COP1: variants seen among roughly 807,000 people sequenced by gnomAD.
COP1 encodes the protein E3 ubiquitin-protein ligase COP1.
In COP1, 24 loss-of-function variants were observed where a neutral mutation model predicts 101.3. That is an observed-to-expected ratio of 0.24 (90% confidence interval 0.17 to 0.33). The LOEUF (loss-of-function observed/expected upper bound fraction) is 0.33. Ranked by LOEUF, COP1 falls within the 10% of genes least tolerant of loss-of-function variation. COP1 has a pLI of 1.00. For synonymous variants in COP1, 347 were observed against 341.9 expected, an observed-to-expected ratio of 1.01 and a Z score of -0.17; for missense variants, 663 against 906.2, an observed-to-expected ratio of 0.73 and a Z score of 3.45.
intron 11 of COP1, among the ~76,000 whole-genome samples, chr1:176,058,476 T>A (rs550750580): frequency 4.1e-4 from 63 of 152,232 alleles, no homozygotes; most frequent in African/African-American, 1.3e-3. Context: ...CTGTGCTCTC[T>A]GAAACATGTG....
intron 15 of COP1, chr1:176,017,449 A>G (rs1276248239): frequency 1.3e-5 from 2 of 152,198 alleles, no homozygotes. Context: ...TTAGGCGGGA[A>G]ATAAATTTTG....
chr1:176,007,894 T>C (rs1663736987), intron 15 of COP1, among the ~76,000 whole-genome samples: 1 of 152,240 alleles, frequency 6.6e-6, no homozygotes, highest in Non-Finnish European at 1.5e-5. Context: ...TCCTGGCTGC[T>C]TTGTTTACCT....
intron 2 of COP1, among the ~76,000 whole-genome samples, chr1:176,182,215 T>A (rs903490529): frequency 1.3e-5 from 2 of 152,180 alleles, no homozygotes; most frequent in African/African-American, 4.8e-5. Context: ...ATTTCAACAC[T>A]TTTAAATCCA....
rs1230508837 is a variant in COP1 at position 175,985,614 on chromosome 1, C to G, written c.2133+1329G>C. Reference sequence around the variant, plus strand: ...GCTAGTATAAGCACTTTCACCCACCCCACCAGAACTGACAAATGCTCACAG... The same window carrying G: ...GCTAGTATAAGCACTTTCACCCACCGCACCAGAACTGACAAATGCTCACAG... On this transcript the variant is annotated intron_variant, in intron 18 of 19. Transcript: ENST00000367669. Among the ~76,000 whole-genome samples, 4 of 152,312 alleles carry G rather than the reference C, an allele frequency of 2.6e-5. No individual in the cohort carries two copies. The East Asian group carries it at 7.7e-4, about 29-fold the overall frequency.
At chr1:176,083,819 G>C (rs952450253) in intron 10 of COP1, among the ~76,000 whole-genome samples, 2 of 152,138 alleles carry the variant, frequency 1.3e-5, no homozygotes, top group Non-Finnish European at 2.9e-5. Flanking sequence ...AGAGGTACTA[G>C]GAGGAACTTA....
At chr1:176,083,379 T>C (rs1572127608) in intron 10 of COP1, among the ~76,000 whole-genome samples, 1 of 152,298 alleles carries the variant, frequency 6.6e-6, no homozygotes, top group East Asian at 1.9e-4. Flanking sequence ...TATAAGCTCA[T>C]TAATAGCTAC....
intron 18 of COP1, among the ~76,000 whole-genome samples, chr1:175,972,509 G>T (rs1398461594): frequency 6.9e-6 from 1 of 145,238 alleles, no homozygotes; most frequent in Admixed American, 7.1e-5. Flanking sequence ...TGTGTTGCCA[G>T]AATGGAGTGC....
chr1:175,983,777 G>GAGGA (rs2148701616), intron 18 of COP1, among the ~76,000 whole-genome samples: 1 of 152,334 alleles, frequency 6.6e-6, no homozygotes, highest in South Asian at 2.1e-4. Flanking sequence ...AGATGGAGAT[G>GAGGA]AGGAACTTGC....
intron 18 of COP1, among the ~76,000 whole-genome samples, chr1:175,951,368 G>A (rs1482263430): frequency 1.4e-5 from 2 of 146,970 alleles, no homozygotes; most frequent in Admixed American, 1.4e-4. Flanking sequence ...AGATGTAACT[G>A]ATTTTAAATG....
At chr1:176,161,959 G>C (rs1367943117) in intron 5 of COP1, among the ~76,000 whole-genome samples, 1 of 152,172 alleles carries the variant, frequency 6.6e-6, no homozygotes, top group Admixed American at 6.5e-5. Flanking sequence ...GGAAACAAAA[G>C]CTCCTTTTTT....
intron 11 of COP1, among the ~76,000 whole-genome samples, chr1:176,052,805 G>A (rs1034365561): frequency 1.3e-5 from 2 of 152,022 alleles, no homozygotes; most frequent in African/African-American, 4.8e-5. Flanking sequence ...TTAAACATAT[G>A]AGATGACATC....
intron 14 of COP1, among the ~76,000 whole-genome samples, chr1:176,037,804 C>T (rs924628783): frequency 6.6e-6 from 1 of 152,124 alleles, no homozygotes; most frequent in African/African-American, 2.4e-5. Flanking sequence ...GACACAGGTG[C>T]CTACTAAAAG....
chr1:176,081,293 T>TTA lies in COP1; in HGVS notation c.1142-7_1142-6insTA. On this transcript the variant is annotated splice_region_variant and splice_polypyrimidine_tract_variant and intron_variant, in intron 10 of 19. Coordinates refer to ENST00000367669, the MANE Select transcript of COP1 (RefSeq NM_022457.7). ...GCTTGCAGTTCGACTGTCATCTATA[T>TTA]GAAAAAAAAAAAAAAAAGACAAAAC... is the stretch of plus-strand genomic sequence containing the variant. 6.7e-7 allele frequency: 1 copy of TTA among 1,487,272 alleles called. No homozygotes were observed. The highest frequency in any genetic ancestry group is 2.4e-5 in the East Asian group (1 of 42,160). The allele number at this position is 1,487,272 out of a possible 1,614,324, so 92.1% of individuals were successfully genotyped here.
chr1:176,065,704 A>C (rs1310464785), intron 11 of COP1, among the ~76,000 whole-genome samples: 1 of 114,472 alleles, frequency 8.7e-6, no homozygotes. Flanking sequence ...GGGGATAATG[A>C]TTTTTTTTTT....
At chr1:176,043,961 C>T (rs1671069168) in intron 12 of COP1, 143 bp from the exon 13 acceptor site, 1 of 579,428 alleles carries the variant, frequency 1.7e-6, no homozygotes, top group South Asian at 2.3e-5. Context: ...CACAACATAC[C>T]TGGGAAAAGA....
chr1:176,115,616 G>GCACCA, intron 9 of COP1, among the ~76,000 whole-genome samples: 1 of 152,016 alleles, frequency 6.6e-6, no homozygotes, highest in South Asian at 2.1e-4. Flanking sequence ...GGGCGTGGTG[G>GCACCA]CGCGTGCCTG....
intron 5 of COP1, among the ~76,000 whole-genome samples, chr1:176,151,094 A>G (rs1307708683): frequency 6.6e-6 from 1 of 152,048 alleles, no homozygotes; most frequent in Non-Finnish European, 1.5e-5. Flanking sequence ...TAATCCCACC[A>G]CTAAAAATGA....
At chr1:175,987,293 T>A (rs191207546) in intron 17 of COP1, among the ~76,000 whole-genome samples, 190 bp from the exon 18 acceptor site, 1 of 152,184 alleles carries the variant, frequency 6.6e-6, no homozygotes, top group Non-Finnish European at 1.5e-5. Flanking sequence ...TATACTTTAC[T>A]AATCTAAAGA....
intron 18 of COP1, among the ~76,000 whole-genome samples, chr1:175,957,196 T>A (rs927148592): frequency 1.3e-5 from 2 of 152,164 alleles, no homozygotes; most frequent in African/African-American, 4.8e-5. Flanking sequence ...TGATAAAGTC[T>A]ACAGTAATGT....
Sources: gnomAD v4.1 joint callset for allele counts (sites outside exome capture counted in the v4.1 genomes callset) on GRCh38, gnomAD v4.1.1 for gene constraint, MANE v1.5 for transcripts, NCBI Gene and HGNC (gene_info 2026-07-23, HGNC 2026-07-21) for gene names.